FAM53B: variants seen among roughly 807,000 people sequenced by gnomAD.
The protein encoded by FAM53B is protein FAM53B.
FAM53B carries 12 observed loss-of-function variants against 32.7 expected under a neutral mutation model. The observed-to-expected ratio is 0.37, with a 90% confidence interval of 0.24 to 0.59. FAM53B has a LOEUF of 0.59. Ranked by LOEUF, FAM53B falls within the 20% of genes least tolerant of loss-of-function variation. The probability of loss-of-function intolerance (pLI) is 0.72; values close to 1 mark genes in which losing one functional copy is unlikely to be tolerated. For missense variants in FAM53B, 477 were observed against 577.7 expected, an observed-to-expected ratio of 0.83 and a Z score of 1.79; for synonymous variants, 234 against 228.7, an observed-to-expected ratio of 1.02 and a Z score of -0.21.
chr10:124,680,539 G>C (rs1413631654), intron 4 of FAM53B, among the ~76,000 whole-genome samples: 3 of 152,154 alleles, frequency 2.0e-5, no homozygotes, highest in African/African-American at 7.2e-5. Context: ...AACAACACTG[G>C]GCTTGGAAGG....
At chr10:124,738,860 T>C (rs1347730062) in intron 1 of FAM53B, among the ~76,000 whole-genome samples, 2 of 152,160 alleles carry the variant, frequency 1.3e-5, no homozygotes, top group African/African-American at 4.8e-5. Context: ...GGAATCTGAA[T>C]AAATGGTGGT....
chr10:124,625,221 C>G (rs2134034268), intron 4 of FAM53B, among the ~76,000 whole-genome samples: 1 of 152,324 alleles, frequency 6.6e-6, no homozygotes, highest in Non-Finnish European at 1.5e-5. Context: ...GGTATATGTG[C>G]CTGCCATGGG....
At chr10:124,680,704 G>A (rs1024013237) in intron 4 of FAM53B, among the ~76,000 whole-genome samples, 4 of 152,100 alleles carry the variant, frequency 2.6e-5, no homozygotes, top group Non-Finnish European at 5.9e-5. Context: ...GAAACCCAGC[G>A]AGACCAATGT....
chr10:124,640,519 C>T (rs1949463661), intron 4 of FAM53B, among the ~76,000 whole-genome samples: 1 of 152,202 alleles, frequency 6.6e-6, no homozygotes, highest in Non-Finnish European at 1.5e-5. Context: ...TGCCATGAAT[C>T]CCACCAGTCC....
intron 1 of FAM53B, among the ~76,000 whole-genome samples, chr10:124,716,303 C>T (rs1375633832): frequency 1.3e-5 from 2 of 152,174 alleles, no homozygotes; most frequent in African/African-American, 4.8e-5. Context: ...GACCTGGGCC[C>T]CTGGCTGAAC....
intron 4 of FAM53B, among the ~76,000 whole-genome samples, chr10:124,630,398 G>A (rs779566314): frequency 1.3e-5 from 2 of 152,168 alleles, no homozygotes; most frequent in Non-Finnish European, 2.9e-5. Flanking sequence ...TGGGCAACAG[G>A]GCAAGACCTG....
intron 4 of FAM53B, among the ~76,000 whole-genome samples, chr10:124,658,885 C>T (rs555462735): frequency 3.9e-5 from 6 of 152,354 alleles, no homozygotes; most frequent in African/African-American, 7.2e-5. Context: ...ACTGAGGCTG[C>T]GCTGCACGGG....
chr10:124,718,525 G>A (rs949853385), intron 1 of FAM53B, among the ~76,000 whole-genome samples: 3 of 152,166 alleles, frequency 2.0e-5, no homozygotes, highest in East Asian at 1.9e-4. Context: ...AAGTATACCC[G>A]AGCTCTGTGG....
intron 4 of FAM53B, among the ~76,000 whole-genome samples, chr10:124,658,137 T>C (rs1949606809): frequency 6.6e-6 from 1 of 152,180 alleles, no homozygotes; most frequent in South Asian, 2.1e-4. Context: ...GCAGACAGTC[T>C]GGGGCAGAGA....
At chr10:124,645,607 T>C (rs181165989) in intron 4 of FAM53B, among the ~76,000 whole-genome samples, 39 of 152,320 alleles carry the variant, frequency 2.6e-4, no homozygotes, top group African/African-American at 9.1e-4. Flanking sequence ...GCTCTGTGCT[T>C]TGGCAGTGGG....
chr10:124,676,977 A>G (rs547399891), intron 4 of FAM53B, among the ~76,000 whole-genome samples: 13 of 152,244 alleles, frequency 8.5e-5, no homozygotes, highest in African/African-American at 2.9e-4. Flanking sequence ...CTCTGTTTCG[A>G]CATCCCGACC....
intron 4 of FAM53B, among the ~76,000 whole-genome samples, chr10:124,654,334 C>T (rs1339651397): frequency 6.6e-6 from 1 of 152,264 alleles, no homozygotes; most frequent in Admixed American, 6.5e-5. Flanking sequence ...GAGCGGACTT[C>T]CTCTCTCCAC....
At chr10:124,705,237 C>T (rs1564883090) in intron 2 of FAM53B, among the ~76,000 whole-genome samples, 2 of 152,184 alleles carry the variant, frequency 1.3e-5, no homozygotes, top group African/African-American at 4.8e-5. Context: ...CCAAGACTGG[C>T]GTCCAGACAC....
intron 1 of FAM53B, among the ~76,000 whole-genome samples, chr10:124,727,293 TAAG>T (rs1351035082): frequency 1.7e-5 from 2 of 117,142 alleles, no homozygotes; most frequent in African/African-American, 6.6e-5. Flanking sequence ...CACTTGTAGA[TAAG>T]AAGATTACAC....
rs1037593083 is a variant in FAM53B at position 124,651,445 on chromosome 10, C to G, written c.907-27841G>C. ...GGCAGGGATGAAGCTAAGAGGGCTG[C>G]CAGGGGAGGCAGTATAAAGGCATGC... On this transcript the variant is annotated intron_variant, in intron 4 of 4. Transcript: ENST00000337318. The surrounding 1 kb of genome is among the most constrained non-coding windows in gnomAD (Gnocchi z 5.2). 1.3e-5 allele frequency among the ~76,000 whole-genome samples: 2 copies of G among 152,208 alleles called. No individual in the cohort carries two copies. The highest frequency in any genetic ancestry group is 4.8e-5 in the African/African-American group (2 of 41,450).
At chr10:124,699,847 G>A (rs1449893330) in intron 2 of FAM53B, among the ~76,000 whole-genome samples, 1 of 152,216 alleles carries the variant, frequency 6.6e-6, no homozygotes, top group Non-Finnish European at 1.5e-5. Flanking sequence ...CTGCCCGTGA[G>A]CACCTGCTTC....
intron 2 of FAM53B, among the ~76,000 whole-genome samples, chr10:124,700,523 C>T (rs1949908166): frequency 6.6e-6 from 1 of 152,210 alleles, no homozygotes; most frequent in Admixed American, 6.5e-5. Flanking sequence ...AGCCTCTGTT[C>T]CCGAGCCCAC....
At chr10:124,646,570 G>A (rs569913141) in intron 4 of FAM53B, among the ~76,000 whole-genome samples, 3 of 152,320 alleles carry the variant, frequency 2.0e-5, no homozygotes, top group Admixed American at 1.3e-4. Context: ...TACATGAGAC[G>A]AGGTTCCCGA....
At chr10:124,637,310 C>T (rs1021232095) in intron 4 of FAM53B, among the ~76,000 whole-genome samples, 1 of 152,170 alleles carries the variant, frequency 6.6e-6, no homozygotes, top group African/African-American at 2.4e-5. Flanking sequence ...CCTGGCAGGA[C>T]GTGGGTGCCT....
Sources: allele counts gnomAD v4.1 joint callset (sites outside exome capture counted in the v4.1 genomes callset), GRCh38; gene constraint gnomAD v4.1.1; non-coding constraint Gnocchi (gnomAD v3.1); transcripts MANE v1.5; gene names NCBI Gene and HGNC (gene_info 2026-07-23, HGNC 2026-07-21).